The following COL3A1 variants were observed in gnomAD, a reference collection of about 807,000 sequenced individuals.
The protein encoded by COL3A1 is collagen type III alpha 1 chain.
A neutral mutation model predicts 200.9 loss-of-function variants in COL3A1; 46 were observed. The observed-to-expected ratio is 0.23, with a 90% CI of 0.18 to 0.29. The LOEUF (loss-of-function observed/expected upper bound fraction) is 0.29. COL3A1 is among the 10% of genes least tolerant of loss of function. The probability of loss-of-function intolerance (pLI) is 1.00; values close to 1 mark genes in which losing one functional copy is unlikely to be tolerated. For missense variants in COL3A1, 1,367 were observed against 1,917.6 expected (o/e 0.71, Z 5.36); for synonymous variants, 650 against 628.0 (o/e 1.03, Z -0.52).
intron 32 of COL3A1, among the ~76,000 whole-genome samples, chr2:189,000,903 C>T (rs968303777): frequency 2.6e-5 from 4 of 152,004 alleles, no homozygotes; most frequent in African/African-American, 4.8e-5. Context: ...ATAAATGCTT[C>T]GCTTTTGACA....
At chr2:189,006,718 A>G (rs892653659) in intron 43 of COL3A1, among the ~76,000 whole-genome samples, 2 of 152,200 alleles carry the variant, frequency 1.3e-5, no homozygotes, top group African/African-American at 4.8e-5. Flanking sequence ...TGCAAGGCCA[A>G]GTTAACAGGG....
Position 188,994,529 on chromosome 2 carries a change from G to T in COL3A1, c.1294-12G>T. 1 of 1,614,072 alleles carries T rather than the reference G, an allele frequency of 6.2e-7. No individual in the cohort carries two copies. The highest frequency in any genetic ancestry group is 8.5e-7 in the Non-Finnish European group (1 of 1,179,990). Reference sequence around the variant, plus strand: ...CTCCCTGTGTTTCAACCAAGACTTTGTTATACTTTAGGGTGAGCCTGGTAA... The same window carrying T: ...CTCCCTGTGTTTCAACCAAGACTTTTTTATACTTTAGGGTGAGCCTGGTAA... On this transcript the variant is annotated splice_polypyrimidine_tract_variant and intron_variant, in intron 18 of 50. Transcript: ENST00000304636. This position sits in a 1 kb window ranked among gnomAD's most constrained non-coding sequence, Gnocchi z 4.5.
At chr2:189,003,637 A>G (rs1688520509) in intron 37 of COL3A1, 97 bp from the exon 38 acceptor site, 1 of 1,416,582 alleles carries the variant, frequency 7.1e-7, no homozygotes, top group South Asian at 1.2e-5. Context: ...AATGACTTTC[A>G]GGTACAATGC....
In COL3A1 at chr2:189,010,725, A is replaced by G. The variant is rs1576474398; in HGVS notation, c.4089A>G (p.Arg1363=). 1 of 1,614,150 alleles carries G rather than the reference A, an allele frequency of 6.2e-7. No homozygotes were observed. Among genetic ancestry groups the G allele is most frequent in the Non-Finnish European group, 8.5e-7 (1 of 1,180,002 alleles). ...CATTCCTTCGACTTCTCTCCAGCCG[A>G]GCTTCCCAGAACATCACATATCACT... The part of the protein sequence containing the change: ...HLAFLRLLSS[R]ASQNITYHCK... Residue 1363 remains arginine, a synonymous_variant, in exon 50 of 51, where the codon CGA becomes CGG. Transcript: ENST00000304636.
intron 49 of COL3A1, 70 bp downstream of exon 49, chr2:189,010,435 C>T (rs1688696414): frequency 4.4e-6 from 7 of 1,577,654 alleles, no homozygotes; most frequent in South Asian, 1.1e-5. Flanking sequence ...ATATGTTCAT[C>T]ACAAAGCAAA....
chr2:189,000,758 T>C (rs1349461785), intron 32 of COL3A1, among the ~76,000 whole-genome samples: 4 of 152,220 alleles, frequency 2.6e-5, no homozygotes, highest in African/African-American at 9.6e-5. Context: ...AGAATTTCCC[T>C]GTATATTCCT....
rs28763879 is a variant in COL3A1 at position 189,005,650 on chromosome 2, T to C, written c.3039+193T>C. The C allele has an allele frequency of 0.022, 14,757 of 664,322 alleles. 208 individuals are homozygous for C. The highest frequency in any genetic ancestry group is 0.029 in the Non-Finnish European group (10,723 of 366,878). The allele number at this position is 664,322 out of a possible 1,614,324, so 41.2% of individuals were successfully genotyped here. The stretch of plus-strand genomic sequence containing the variant: ...CTCTTGTTCATTAGTATTTACCCAA[T>C]GAATAATCATTTGTGGAGAAAATAT... On this transcript the variant is annotated intron_variant, in intron 41 of 50. Coordinates refer to ENST00000304636, the MANE Select transcript of COL3A1 (RefSeq NM_000090.4).
intron 14 of COL3A1, 28 bp from the exon 15 acceptor site, chr2:188,992,859 C>T (rs754491582): frequency 3.1e-6 from 5 of 1,605,138 alleles, no homozygotes; most frequent in Non-Finnish European, 4.3e-6. Context: ...TGAAAAAGAG[C>T]TCTTGAAATT....
chr2:189,000,916 C>CT (rs1196515087), intron 32 of COL3A1, among the ~76,000 whole-genome samples: 2 of 152,060 alleles, frequency 1.3e-5, no homozygotes, highest in Admixed American at 1.3e-4. Context: ...TTTTGACAGA[C>CT]TAAGTAGATA....
rs12105286 is a variant in COL3A1, at chr2:188,995,418, G to T, written c.1510-274G>T. On this transcript the variant is annotated intron_variant, in intron 21 of 50. Coordinates refer to ENST00000304636, the MANE Select transcript of COL3A1 (RefSeq NM_000090.4). Reference sequence around the variant, plus strand: ...AGGTTACATCAAATATGATTTCATAGCATTAAGATATTTGATTTTAGCTGC... The same window carrying T: ...AGGTTACATCAAATATGATTTCATATCATTAAGATATTTGATTTTAGCTGC... Among the ~76,000 whole-genome samples the T allele has an allele frequency of 0.12, 18,815 of 152,208 alleles. 2,849 individuals carry two copies. The highest frequency in any genetic ancestry group is 0.37 in the African/African-American group (15,190 of 41,492).
chr2:188,987,327 C>T (rs980074966), intron 5 of COL3A1, among the ~76,000 whole-genome samples, 188 bp downstream of exon 5: 1 of 150,868 alleles, frequency 6.6e-6, no homozygotes, highest in Non-Finnish European at 1.5e-5. Flanking sequence ...ATTATTAAAC[C>T]TATTTTTAAT....
intron 3 of COL3A1, 58 bp downstream of exon 3, chr2:188,985,305 T>C (rs1233129529): frequency 7.0e-7 from 1 of 1,433,494 alleles, no homozygotes; most frequent in Non-Finnish European, 9.8e-7. Flanking sequence ...CTAGTAAGAG[T>C]TTGCTTTTTC....
chr2:189,002,098 G>A (rs1218868762), intron 34 of COL3A1, among the ~76,000 whole-genome samples, 200 bp from the exon 35 acceptor site: 1 of 152,046 alleles, frequency 6.6e-6, no homozygotes, highest in Non-Finnish European at 1.5e-5. Flanking sequence ...TATCACAGTA[G>A]GAGGCAGAAG....
In COL3A1 at chr2:189,004,020, C is replaced by G. The variant is rs112164939; in HGVS notation, c.2700C>G (p.Gly900=). ...CCCCAGGTCCCAGCGGTTCTCCAGG[C>G]AAGGATGGGCCCCCAGGTCCTGCGG... ...PGPPGPSGSP[G]KDGPPGPAGN... Residue 900 remains glycine, a synonymous_variant, in exon 39 of 51, where the codon GGC becomes GGG. Coordinates refer to ENST00000304636, the MANE Select transcript of COL3A1 (RefSeq NM_000090.4). The G allele has an allele frequency of 1.2e-6, 2 of 1,612,724 alleles. No homozygotes were observed. Among genetic ancestry groups the G allele is most frequent in the Admixed American group, 1.7e-5 (1 of 59,948 alleles).
chr2:188,990,466 A>G, intron 10 of COL3A1, 106 bp downstream of exon 10: 1 of 928,946 alleles, frequency 1.1e-6, no homozygotes. Flanking sequence ...GATTCTGACA[A>G]TTAATTAATT....
In COL3A1 at chr2:188,999,765, C is replaced by G. The variant is rs541845012; in HGVS notation, c.2230-77C>G. 3.4e-4 allele frequency: 502 copies of G among 1,490,720 alleles called. No homozygotes were observed. The highest frequency in any genetic ancestry group is 4.3e-4 in the Non-Finnish European group (464 of 1,087,854). 92.3% of individuals were successfully genotyped at this position (1,490,720 alleles called of 1,614,324 possible). A position where few individuals can be genotyped will look rare whatever the true frequency, so the allele number is the denominator to read the frequency against. Reference sequence around the variant, plus strand: ...CACCCAATATATATCCCTACAAATCCTGAGAGTTACTCCTCTTCTTGGCTG... The same window carrying G: ...CACCCAATATATATCCCTACAAATCGTGAGAGTTACTCCTCTTCTTGGCTG... On this transcript the variant is annotated intron_variant, in intron 31 of 50. Transcript: ENST00000304636.
At chr2:189,000,759 G>T (rs1207527594) in intron 32 of COL3A1, among the ~76,000 whole-genome samples, 2 of 152,114 alleles carry the variant, frequency 1.3e-5, no homozygotes, top group East Asian at 1.9e-4. Flanking sequence ...GAATTTCCCT[G>T]TATATTCCTT....
chr2:189,010,073 A>G (rs543856523), intron 48 of COL3A1, 105 bp from the exon 49 acceptor site: 7 of 1,046,128 alleles, frequency 6.7e-6, no homozygotes, highest in Non-Finnish European at 7.3e-6. Flanking sequence ...TAAAATGCAG[A>G]CACATTAGCA....
At chr2:188,975,849 T>G (rs1331586051) in intron 1 of COL3A1, among the ~76,000 whole-genome samples, 1 of 151,960 alleles carries the variant, frequency 6.6e-6, no homozygotes, top group Non-Finnish European at 1.5e-5. Flanking sequence ...CCACCCCTTT[T>G]GGCTCCTTTA....
Sources: allele counts gnomAD v4.1 joint callset (sites outside exome capture counted in the v4.1 genomes callset), GRCh38; gene constraint gnomAD v4.1.1; non-coding constraint Gnocchi (gnomAD v3.1); transcripts MANE v1.5; gene names NCBI Gene and HGNC (gene_info 2026-07-23, HGNC 2026-07-21).